MVB12B: variants seen among roughly 807,000 people sequenced by gnomAD.
The protein encoded by MVB12B is ESCRT-I complex subunit MVB12B.
A neutral mutation model predicts 41.6 loss-of-function variants in MVB12B; 16 were observed. The ratio of observed to expected loss-of-function variants is 0.38; its 90% CI spans 0.26 to 0.58. The LOEUF (loss-of-function observed/expected upper bound fraction) is 0.58. MVB12B is among the 20% of genes least tolerant of loss of function. The pLI is 0.62. For missense variants in MVB12B, 274 were observed against 380.2 expected, an observed-to-expected ratio of 0.72 and a Z score of 2.32; for synonymous variants, 133 against 139.7, an observed-to-expected ratio of 0.95 and a Z score of 0.34.
chr9:126,387,069 G>A (rs1830817567), intron 4 of MVB12B, among the ~76,000 whole-genome samples: 1 of 152,076 alleles, frequency 6.6e-6, no homozygotes, highest in South Asian at 2.1e-4. Context: ...CCCATTTGGG[G>A]CCCGTTGAGC....
At chr9:126,355,942 A>G (rs1564287287) in intron 2 of MVB12B, among the ~76,000 whole-genome samples, 1 of 152,068 alleles carries the variant, frequency 6.6e-6, no homozygotes, top group Non-Finnish European at 1.5e-5. Flanking sequence ...GTTGCTCCTC[A>G]TTCTCCCTTC....
chr9:126,499,355 G>T (rs995287160), intron 9 of MVB12B, among the ~76,000 whole-genome samples: 3 of 152,116 alleles, frequency 2.0e-5, no homozygotes, highest in African/African-American at 4.8e-5. Flanking sequence ...GTGGCGGCCT[G>T]TGCCCACCAG....
intron 2 of MVB12B, among the ~76,000 whole-genome samples, chr9:126,359,171 G>A (rs1023475396): frequency 2.6e-5 from 4 of 151,536 alleles, no homozygotes; most frequent in Non-Finnish European, 5.9e-5. Flanking sequence ...TGCCCAGCCT[G>A]GGTTTTCTCT....
chr9:126,393,869 C>T (rs1254964481), intron 5 of MVB12B, among the ~76,000 whole-genome samples: 1 of 152,250 alleles, frequency 6.6e-6, no homozygotes, highest in Non-Finnish European at 1.5e-5. Flanking sequence ...CTGGCTCAGG[C>T]CTGTACTCTG....
chr9:126,492,990 A>G (rs1833764672), intron 9 of MVB12B, among the ~76,000 whole-genome samples: 1 of 152,212 alleles, frequency 6.6e-6, no homozygotes, highest in South Asian at 2.1e-4. Context: ...TTGATTTTAA[A>G]GAGCTCTTTA....
At chr9:126,338,245 T>C (rs897855935) in intron 1 of MVB12B, among the ~76,000 whole-genome samples, 4 of 152,266 alleles carry the variant, frequency 2.6e-5, no homozygotes, top group African/African-American at 9.6e-5. Flanking sequence ...TGCAGGGCCC[T>C]CTGGCAGGCC....
rs374710468 is a variant in MVB12B, at chr9:126,483,959, A to G, written c.814-14A>G. 18 of 1,614,006 alleles carry G rather than the reference A, an allele frequency of 1.1e-5. No individual in the cohort carries two copies. The African/African-American group carries it at 1.7e-4, about 16-fold the overall frequency. ...TCCAGCTATTTAAAAGGGCAACTTC[A>G]TCTGTGTTTTCAGATGCAGCCCTTT... is the stretch of plus-strand genomic sequence containing the variant. On this transcript the variant is annotated splice_polypyrimidine_tract_variant and intron_variant, in intron 8 of 9. Coordinates refer to ENST00000361171, the MANE Select transcript of MVB12B (RefSeq NM_033446.3).
intron 7 of MVB12B, among the ~76,000 whole-genome samples, chr9:126,461,736 C>T (rs748267629): frequency 6.6e-6 from 1 of 151,790 alleles, no homozygotes; most frequent in Non-Finnish European, 1.5e-5. Context: ...GGAACCCAGG[C>T]GTGGAGGTGG....
At chr9:126,343,832 G>C (rs913767239) in intron 2 of MVB12B, among the ~76,000 whole-genome samples, 1 of 152,150 alleles carries the variant, frequency 6.6e-6, no homozygotes, top group African/African-American at 2.4e-5. Flanking sequence ...CAGGACAATC[G>C]ATTGAACCCA....
intron 2 of MVB12B, among the ~76,000 whole-genome samples, chr9:126,342,033 T>C (rs1157071188): frequency 6.6e-6 from 1 of 152,278 alleles, no homozygotes; most frequent in Non-Finnish European, 1.5e-5. Flanking sequence ...GCTGCTTGAC[T>C]TCAAAGTGTG....
intron 6 of MVB12B, chr9:126,397,080 G>A (rs1459820969): frequency 1.0e-6 from 1 of 985,408 alleles, no homozygotes; most frequent in East Asian, 1.1e-4. Flanking sequence ...CACCTGTGCT[G>A]AGGCCCATCA....
chr9:126,346,841 T>G (rs1187550503), intron 2 of MVB12B, among the ~76,000 whole-genome samples: 2 of 152,218 alleles, frequency 1.3e-5, no homozygotes. Context: ...ATGTTCAAAG[T>G]TGCCGAAGTG....
chr9:126,418,096 G>A (rs1449572412), intron 6 of MVB12B, among the ~76,000 whole-genome samples: 1 of 151,350 alleles, frequency 6.6e-6, no homozygotes, highest in Non-Finnish European at 1.5e-5. Context: ...TACAGAGTGA[G>A]AAGACAGCTA....
intron 6 of MVB12B, among the ~76,000 whole-genome samples, chr9:126,409,301 G>C (rs1278005890): frequency 5.6e-5 from 2 of 35,788 alleles, no homozygotes; most frequent in African/African-American, 3.8e-4. Context: ...GAGTAACTCT[G>C]TGTGTGTGTG....
intron 6 of MVB12B, among the ~76,000 whole-genome samples, chr9:126,410,544 A>G (rs1455111713): frequency 6.6e-6 from 1 of 151,786 alleles, no homozygotes; most frequent in Non-Finnish European, 1.5e-5. Flanking sequence ...AGTGAGTAGT[A>G]ACTGCCATAG....
chr9:126,330,273 G>A (rs1472424174), intron 1 of MVB12B, among the ~76,000 whole-genome samples: 1 of 149,434 alleles, frequency 6.7e-6, no homozygotes, highest in African/African-American at 2.5e-5. Flanking sequence ...ACCTGTGGCA[G>A]GAGTCAACAT....
rs148315981 is a variant in MVB12B at position 126,396,502 on chromosome 9, A to T, written c.662+805A>T. On this transcript the variant is annotated intron_variant, in intron 6 of 9. Transcript: ENST00000361171. ...CAAGCTTCCACGTGGGTGAATAGAG[A>T]TGAACAAAATCTGTCAGGAACCGGA... 808 of 985,484 alleles carry T rather than the reference A, an allele frequency of 8.2e-4. 4 individuals are homozygous for T. The African/African-American group carries it at 0.013, about 16-fold the overall frequency. The allele number at this position is 985,484 out of a possible 1,614,324, so 61.0% of individuals were successfully genotyped here. A position where few individuals can be genotyped will look rare whatever the true frequency, so the allele number is the denominator to read the frequency against.
chr9:126,378,393 T>C (rs1409425683), intron 2 of MVB12B, among the ~76,000 whole-genome samples: 1 of 152,136 alleles, frequency 6.6e-6, no homozygotes, highest in African/African-American at 2.4e-5. Flanking sequence ...TCTGGGTACA[T>C]CTTGTTGCTG....
intron 7 of MVB12B, chr9:126,481,078 G>A (rs1433270526): frequency 1.2e-5 from 5 of 424,236 alleles, no homozygotes; most frequent in Non-Finnish European, 2.1e-5. Context: ...GACTCCAGGG[G>A]TGGAGAGTAG....
Sources: gnomAD v4.1 joint callset for allele counts (sites outside exome capture counted in the v4.1 genomes callset) on GRCh38, gnomAD v4.1.1 for gene constraint, MANE v1.5 for transcripts, NCBI Gene and HGNC (gene_info 2026-07-23, HGNC 2026-07-21) for gene names.